Variants in SLC36A3 observed in about 807,000 individuals in gnomAD.
SLC36A3 encodes solute carrier family 36 member 3, also known as proton-coupled amino acid transporter 3.
SLC36A3 carries 35 observed loss-of-function variants against 44.3 expected under a neutral mutation model. The ratio of observed to expected loss-of-function variants is 0.79; its 90% CI spans 0.60 to 1.05. SLC36A3 has a LOEUF of 1.05. Among genes scored for constraint, SLC36A3 ranks in the 50% least tolerant of loss-of-function variants. SLC36A3 has a pLI of 0.00. For missense variants in SLC36A3, 540 were observed against 578.7 expected, an observed-to-expected ratio of 0.93 and a Z score of 0.69; for synonymous variants, 211 against 227.6, an observed-to-expected ratio of 0.93 and a Z score of 0.66.
At chr5:151,284,574 G>A (rs2127257860) in intron 7 of SLC36A3, 39 bp downstream of exon 7, 1 of 1,504,088 alleles carries the variant, frequency 6.6e-7, no homozygotes, top group Non-Finnish European at 9.2e-7. Context: ...CACTGTAGAG[G>A]GCGCTAGGGA....
intron 6 of SLC36A3, 25 bp from the exon 7 acceptor site, chr5:151,284,736 T>C (rs1351140014): frequency 6.3e-6 from 10 of 1,585,392 alleles, no homozygotes; most frequent in Non-Finnish European, 8.6e-6. Flanking sequence ...GAGAAGCACA[T>C]TGGTGTTGTT....
intron 8 of SLC36A3, among the ~76,000 whole-genome samples, chr5:151,283,604 C>T (rs1317873715): frequency 6.6e-6 from 1 of 152,200 alleles, no homozygotes; most frequent in Non-Finnish European, 1.5e-5. Context: ...ACATTTTTCT[C>T]ATTCTACAGC....
intron 8 of SLC36A3, among the ~76,000 whole-genome samples, chr5:151,282,232 G>A (rs894101384): frequency 4.9e-5 from 7 of 144,182 alleles, no homozygotes; most frequent in Non-Finnish European, 1.0e-4. Context: ...GCAACGGTAC[G>A]ATCTCAGCTC....
chr5:151,284,837 A>G, intron 6 of SLC36A3, 126 bp from the exon 7 acceptor site: 1 of 556,410 alleles, frequency 1.8e-6, no homozygotes, highest in Non-Finnish European at 3.2e-6. Context: ...CCTAGACCTC[A>G]GTCAGCCTTC....
chr5:151,279,610 T>C (rs75985776), intron 9 of SLC36A3, among the ~76,000 whole-genome samples: 1 of 152,218 alleles, frequency 6.6e-6, no homozygotes, highest in Non-Finnish European at 1.5e-5. Context: ...CAGTCTTTCT[T>C]GTCAACTTAC....
At chr5:151,289,200 A>C (rs1754667493) in intron 4 of SLC36A3, 1 of 152,364 alleles carries the variant, frequency 6.6e-6, no homozygotes. Context: ...ACATATATAC[A>C]GTTTCTATTT....
At chr5:151,298,498 A>C in intron 2 of SLC36A3, 95 bp downstream of exon 2, 2 of 1,212,152 alleles carry the variant, frequency 1.6e-6, no homozygotes, top group South Asian at 2.7e-5. Flanking sequence ...GGTACCCCCA[A>C]ATTGCCCATT....
intron 1 of SLC36A3, among the ~76,000 whole-genome samples, chr5:151,300,713 C>A (rs943542876): frequency 2.0e-5 from 3 of 152,116 alleles, no homozygotes; most frequent in East Asian, 1.9e-4. Flanking sequence ...GTTGCAAGCT[C>A]CCCTGAGATT....
intron 8 of SLC36A3, among the ~76,000 whole-genome samples, chr5:151,283,186 T>A (rs1302105333): frequency 1.3e-5 from 2 of 152,228 alleles, no homozygotes; most frequent in Non-Finnish European, 2.9e-5. Context: ...GCCCCTGGCC[T>A]TCTACTATCT....
At chr5:151,286,350 T>C (rs1485787658) in intron 6 of SLC36A3, among the ~76,000 whole-genome samples, 2 of 152,184 alleles carry the variant, frequency 1.3e-5, no homozygotes, top group African/African-American at 4.8e-5. Flanking sequence ...TGGAATGCAG[T>C]GGTGTGATCA....
chr5:151,302,762 AAAAG>A (rs1368537322), intron 1 of SLC36A3, among the ~76,000 whole-genome samples: 1 of 152,144 alleles, frequency 6.6e-6, no homozygotes, highest in Non-Finnish European at 1.5e-5. Context: ...TAATTAAAAA[AAAAG>A]AGAGAAGAGT....
intron 1 of SLC36A3, among the ~76,000 whole-genome samples, chr5:151,299,421 G>A (rs1755099257): frequency 6.8e-6 from 1 of 147,628 alleles, no homozygotes; most frequent in African/African-American, 2.5e-5. Context: ...GCTATATATC[G>A]ACATTATGCA....
At position 151,284,181 on chromosome 5, in the gene SLC36A3, A is replaced by G. The variant is rs772970420; in HGVS notation, c.837T>C (p.His279=). 1.9e-6 allele frequency: 3 copies of G among 1,611,340 alleles called. No individual in the cohort carries two copies. Among genetic ancestry groups the G allele is most frequent in the Non-Finnish European group, 2.5e-6 (3 of 1,179,174 alleles). Residue 279 remains histidine (H), a synonymous_variant, in exon 8 of 10, where the codon CAT becomes CAC. Coordinates refer to ENST00000335230, the MANE Select transcript of SLC36A3 (RefSeq NM_181774.4). ...ACAGAACAAAAGAAAACTGCTGTGG[A>G]TGCTTCATCTGGTTTTTGAGAGGCA... The part of the protein sequence containing the change: ...MVLPLKNQMK[H]PQQFSFVLYL...
Position 151,302,032 on chromosome 5 carries a change from C to T in SLC36A3, c.128+1195G>A, listed in dbSNP as rs561351450. Among the ~76,000 whole-genome samples the T allele has an allele frequency of 5.3e-5, 8 of 152,166 alleles. No individual in the cohort carries two copies. In the South Asian group the frequency reaches 6.2e-4, roughly 12 times the overall value. On this transcript the variant is annotated intron_variant, in intron 1 of 9. Coordinates refer to ENST00000335230, the MANE Select transcript of SLC36A3 (RefSeq NM_181774.4). ...ACAGTACAAAATTCAAAAGATAAAA[C>T]GCAATAATCCAAATCCTTATGAAAC...
chr5:151,278,832 C>T (rs1051248766), intron 9 of SLC36A3, among the ~76,000 whole-genome samples: 2 of 152,230 alleles, frequency 1.3e-5, no homozygotes, highest in Non-Finnish European at 2.9e-5. Flanking sequence ...AACTCAGCAT[C>T]AGTCTTCCAG....
chr5:151,285,139 T>C (rs1754486696), intron 6 of SLC36A3, among the ~76,000 whole-genome samples: 1 of 152,216 alleles, frequency 6.6e-6, no homozygotes, highest in Non-Finnish European at 1.5e-5. Flanking sequence ...TCCTATCATA[T>C]GTATTGTTTC....
chr5:151,283,176 G>A (rs935982881), intron 8 of SLC36A3, among the ~76,000 whole-genome samples: 9 of 152,212 alleles, frequency 5.9e-5, no homozygotes, highest in African/African-American at 1.9e-4. Context: ...ATGAGCCACT[G>A]CCCCTGGCCT....
At chr5:151,287,650 T>C (rs576671665) in intron 5 of SLC36A3, among the ~76,000 whole-genome samples, 186 bp from the exon 6 acceptor site, 1 of 152,176 alleles carries the variant, frequency 6.6e-6, no homozygotes, top group African/African-American at 2.4e-5. Context: ...GGGTATCATA[T>C]ATTATTATTT....
Position 151,277,169 on chromosome 5 carries a change from T to G in SLC36A3, c.*224A>C. ...GATAATATGAATAGTTGAATCTAAT[T>G]TTGGTTCAGAGGTACAAAAGGCCAT... On this transcript the variant is annotated 3_prime_UTR_variant, in exon 10 of 10. Transcript: ENST00000335230. The G allele has an allele frequency of 1.7e-6, 1 of 572,524 alleles. No homozygotes were observed. The highest frequency in any genetic ancestry group is 3.0e-6 in the Non-Finnish European group (1 of 330,752). The allele number at this position is 572,524 out of a possible 1,614,324, so 35.5% of individuals were successfully genotyped here. A position where few individuals can be genotyped will look rare whatever the true frequency, so the allele number is the denominator to read the frequency against.
Sources: allele counts gnomAD v4.1 joint callset (sites outside exome capture counted in the v4.1 genomes callset), GRCh38; gene constraint gnomAD v4.1.1; transcripts MANE v1.5; gene names NCBI Gene and HGNC (gene_info 2026-07-23, HGNC 2026-07-21).